The following AK4 variants were observed in gnomAD, a reference collection of about 807,000 sequenced individuals.
The protein encoded by AK4 is adenylate kinase 4, also known as adenylate kinase 4, mitochondrial.
A neutral mutation model predicts 24.6 loss-of-function variants in AK4; 13 were observed. The ratio of observed to expected loss-of-function variants is 0.53; its 90% confidence interval spans 0.34 to 0.84. AK4 has a LOEUF of 0.84. AK4 is among the 40% of genes least tolerant of loss of function. AK4 has a pLI of 0.01. For synonymous variants in AK4, 88 were observed against 107.0 expected, an observed-to-expected ratio of 0.82 and a Z score of 1.10; for missense variants, 192 against 288.2, an observed-to-expected ratio of 0.67 and a Z score of 2.42.
At chr1:65,188,534 A>C (rs1433158467) in intron 1 of AK4, among the ~76,000 whole-genome samples, 1 of 151,686 alleles carries the variant, frequency 6.6e-6, no homozygotes, top group Admixed American at 6.6e-5. Context: ...GTTGGAGTGC[A>C]GTGGCGTGAT....
intron 1 of AK4, among the ~76,000 whole-genome samples, chr1:65,187,105 A>T (rs987696066): frequency 1.3e-5 from 2 of 151,960 alleles, no homozygotes; most frequent in African/African-American, 2.4e-5. Context: ...CACGCTTGTA[A>T]TCCCAGCACT....
chr1:65,184,361 T>C (rs1023738269), intron 1 of AK4, among the ~76,000 whole-genome samples: 3 of 152,266 alleles, frequency 2.0e-5, no homozygotes, highest in African/African-American at 7.2e-5. Flanking sequence ...GAAAGATTTT[T>C]TATATGTCGC....
At chr1:65,224,893 A>G (rs775572547) in intron 4 of AK4, 23 bp downstream of exon 4, 2 of 1,576,214 alleles carry the variant, frequency 1.3e-6, no homozygotes, top group Non-Finnish European at 1.7e-6. Context: ...CAATATTTTC[A>G]TGACAAAGGA....
At chr1:65,187,388 A>T (rs1299721751) in intron 1 of AK4, among the ~76,000 whole-genome samples, 2 of 151,568 alleles carry the variant, frequency 1.3e-5, no homozygotes, top group African/African-American at 4.9e-5. Context: ...AGGGTAGGCA[A>T]ATCTACAGAC....
At chr1:65,187,562 A>T (rs1651145163) in intron 1 of AK4, among the ~76,000 whole-genome samples, 1 of 152,200 alleles carries the variant, frequency 6.6e-6, no homozygotes, top group African/African-American at 2.4e-5. Context: ...TCCTACATTT[A>T]AAAATGGCAG....
At chr1:65,210,976 G>C (rs1347430081) in intron 2 of AK4, among the ~76,000 whole-genome samples, 1 of 152,182 alleles carries the variant, frequency 6.6e-6, no homozygotes, top group Admixed American at 6.5e-5. Context: ...ATATTCCTGT[G>C]AATCAACTTT....
At chr1:65,186,760 C>T (rs1205570833) in intron 1 of AK4, among the ~76,000 whole-genome samples, 2 of 152,132 alleles carry the variant, frequency 1.3e-5, no homozygotes, top group African/African-American at 4.8e-5. Context: ...TCAGTTGCTC[C>T]TTGCATCTTT....
chr1:65,173,992 T>TC (rs1650628341), intron 1 of AK4, among the ~76,000 whole-genome samples: 1 of 152,108 alleles, frequency 6.6e-6, no homozygotes, highest in Admixed American at 6.6e-5. Context: ...TATCAGCCAT[T>TC]CCCCACACAC....
chr1:65,193,261 G>A (rs74080330), intron 2 of AK4, among the ~76,000 whole-genome samples: 508 of 152,318 alleles, frequency 3.3e-3, no homozygotes, highest in Middle Eastern at 0.01. Flanking sequence ...TTCTGAGCAG[G>A]TGGAGCCACG....
intron 1 of AK4, among the ~76,000 whole-genome samples, chr1:65,184,590 A>C (rs570664920): frequency 6.6e-6 from 1 of 152,332 alleles, no homozygotes; most frequent in African/African-American, 2.4e-5. Flanking sequence ...GGGACCATGT[A>C]TGTGTGTCCA....
At chr1:65,171,468 C>G (rs1024285462) in intron 1 of AK4, among the ~76,000 whole-genome samples, 1 of 151,572 alleles carries the variant, frequency 6.6e-6, no homozygotes, top group Non-Finnish European at 1.5e-5. Context: ...CCATCATGCC[C>G]GGCTAATTTT....
chr1:65,224,009 TA>T (rs1652377826), intron 3 of AK4, among the ~76,000 whole-genome samples: 1 of 149,746 alleles, frequency 6.7e-6, no homozygotes, highest in South Asian at 2.1e-4. Flanking sequence ...AATAAATAAA[TA>T]AAATAAAACC....
At chr1:65,148,609 C>T in intron 1 of AK4, 57 bp downstream of exon 1, 1 of 1,510,372 alleles carries the variant, frequency 6.6e-7, no homozygotes, top group South Asian at 1.3e-5. Flanking sequence ...GGGGTGAGGC[C>T]CTGGAGGGAC....
At chr1:65,154,646 A>G in intron 1 of AK4, 1 of 463,842 alleles carries the variant, frequency 2.2e-6, no homozygotes, top group Middle Eastern at 7.6e-4. Context: ...ATTAAGTTGG[A>G]CTAAATGATC....
intron 2 of AK4, among the ~76,000 whole-genome samples, chr1:65,191,984 C>A (rs1255858432): frequency 6.6e-6 from 1 of 152,130 alleles, no homozygotes; most frequent in African/African-American, 2.4e-5. Flanking sequence ...GGTACTACAG[C>A]CCCAGGGTTT....
intron 1 of AK4, chr1:65,148,994 A>G (rs1162722475): frequency 6.6e-6 from 1 of 152,450 alleles, no homozygotes; most frequent in African/African-American, 2.4e-5. Flanking sequence ...CACCTGTGGC[A>G]GTCGGGCGGG....
intron 2 of AK4, among the ~76,000 whole-genome samples, chr1:65,199,632 G>A (rs1169975514): frequency 6.6e-6 from 1 of 152,166 alleles, no homozygotes; most frequent in Non-Finnish European, 1.5e-5. Flanking sequence ...TTAAGTTTGT[G>A]TTGTAAAGTA....
chr1:65,200,883 C>T (rs540828565), intron 2 of AK4, among the ~76,000 whole-genome samples: 4 of 152,260 alleles, frequency 2.6e-5, no homozygotes, highest in African/African-American at 9.6e-5. Context: ...CAACCTCCAC[C>T]TCTTGGGTTC....
At chr1:65,178,441 G>A (rs74080313) in intron 1 of AK4, among the ~76,000 whole-genome samples, 3,658 of 152,222 alleles carry the variant, frequency 0.024, 147 homozygotes, top group African/African-American at 0.083. Context: ...TGTGTGCATA[G>A]CCACAATGTG....
Sources: gnomAD v4.1 joint callset for allele counts (sites outside exome capture counted in the v4.1 genomes callset) on GRCh38, gnomAD v4.1.1 for gene constraint, MANE v1.5 for transcripts, NCBI Gene and HGNC (gene_info 2026-07-23, HGNC 2026-07-21) for gene names.